The following KCNIP1 variants were observed in gnomAD, a reference collection of about 807,000 sequenced individuals.
KCNIP1 encodes the protein A-type potassium channel modulatory protein KCNIP1.
In KCNIP1, 18 loss-of-function variants were observed where a neutral mutation model predicts 33.0. The observed-to-expected ratio is 0.55, with a 90% CI of 0.38 to 0.81. KCNIP1 has a LOEUF of 0.81. KCNIP1 is among the 30% of genes least tolerant of loss of function. The probability of loss-of-function intolerance (pLI) is 0.00; values close to 1 mark genes in which losing one functional copy is unlikely to be tolerated. For missense variants in KCNIP1, 238 were observed against 271.6 expected, an observed-to-expected ratio of 0.88 and a Z score of 0.87; for synonymous variants, 93 against 98.3, an observed-to-expected ratio of 0.95 and a Z score of 0.32.
intron 1 of KCNIP1, among the ~76,000 whole-genome samples, chr5:170,363,233 G>T (rs1054181065): frequency 2.0e-5 from 3 of 152,200 alleles, no homozygotes; most frequent in Non-Finnish European, 4.4e-5. Context: ...AAACACTAAT[G>T]TTCCTTTGAA....
chr5:170,551,551 T>C (rs1756634653), intron 1 of KCNIP1, among the ~76,000 whole-genome samples: 1 of 152,234 alleles, frequency 6.6e-6, no homozygotes, highest in African/African-American at 2.4e-5. Flanking sequence ...GGAATCCAGA[T>C]GAGTCTGAAA....
At chr5:170,355,088 G>A (rs1328602361) in intron 1 of KCNIP1, among the ~76,000 whole-genome samples, 2 of 152,222 alleles carry the variant, frequency 1.3e-5, no homozygotes, top group African/African-American at 4.8e-5. Flanking sequence ...TGTGGCATGT[G>A]TGGGTGGTGG....
intron 1 of KCNIP1, among the ~76,000 whole-genome samples, chr5:170,640,855 A>G (rs1368450607): frequency 6.6e-6 from 1 of 152,158 alleles, no homozygotes; most frequent in Non-Finnish European, 1.5e-5. Flanking sequence ...GGCATGGGAT[A>G]AACAGAATCG....
chr5:170,442,351 C>T (rs1756013785), intron 1 of KCNIP1, among the ~76,000 whole-genome samples: 1 of 152,198 alleles, frequency 6.6e-6, no homozygotes, highest in Non-Finnish European at 1.5e-5. Context: ...GGAATCTGGT[C>T]TTGTACCTAG....
At chr5:170,566,312 T>C (rs1035983244) in intron 1 of KCNIP1, among the ~76,000 whole-genome samples, 2 of 152,116 alleles carry the variant, frequency 1.3e-5, no homozygotes, top group African/African-American at 4.8e-5. Context: ...AGGCTGGTCT[T>C]GAGCTCCTGA....
In KCNIP1 at chr5:170,444,129, G is replaced by A. The variant is rs111731398; in HGVS notation, c.88+90165G>A. Among the ~76,000 whole-genome samples the A allele has an allele frequency of 3.0e-3, 454 of 152,290 alleles. 1 individual carries two copies. Among genetic ancestry groups the A allele is most frequent in the Non-Finnish European group, 3.9e-3 (266 of 68,018 alleles). ...ACTGGAACAAATGACCAGAAACTTC[G>A]TGGCTTCAAACAACACACCTTTATT... On this transcript the variant is annotated intron_variant, in intron 1 of 7. Transcript: ENST00000377360.
chr5:170,448,944 G>A (rs776586284), intron 1 of KCNIP1, among the ~76,000 whole-genome samples: 5 of 152,308 alleles, frequency 3.3e-5, no homozygotes, highest in Middle Eastern at 3.4e-3. Flanking sequence ...TAAGGGACCC[G>A]TCTAGGGCTA....
chr5:170,390,517 A>AAAAAAATATATATAT, intron 1 of KCNIP1, among the ~76,000 whole-genome samples: 2 of 74,550 alleles, frequency 2.7e-5, no homozygotes, highest in African/African-American at 1.3e-4. Context: ...AAAAAAAACA[A>AAAAAAATATATATAT]ATATATATAT....
chr5:170,357,714 G>T (rs1763385684), intron 1 of KCNIP1, among the ~76,000 whole-genome samples: 2 of 152,128 alleles, frequency 1.3e-5, no homozygotes, highest in African/African-American at 4.8e-5. Context: ...TGTTTATAGA[G>T]ACAGGGTCTC....
In KCNIP1 at chr5:170,504,294, C is replaced by T; in HGVS notation, c.-279C>T. 3 of 1,332,526 alleles carry T rather than the reference C, an allele frequency of 2.3e-6. No homozygotes were observed. Among genetic ancestry groups the T allele is most frequent in the Non-Finnish European group, 2.9e-6 (3 of 1,044,152 alleles). 82.5% of individuals were successfully genotyped at this position (1,332,526 alleles called of 1,614,324 possible). A position where few individuals can be genotyped will look rare whatever the true frequency, so the allele number is the denominator to read the frequency against. ...AGGCTTCAGGGCACCGTCCTCGGCC[C>T]TGGGCGAGGGAACCGCCGGGCCGGG... On this transcript the variant is annotated 5_prime_UTR_variant, in exon 1 of 8. Transcript: ENST00000328939. This position sits in a 1 kb window ranked among gnomAD's most constrained non-coding sequence, Gnocchi z 6.0.
intron 1 of KCNIP1, among the ~76,000 whole-genome samples, chr5:170,498,109 T>A (rs1295309595): frequency 1.3e-5 from 2 of 152,170 alleles, no homozygotes; most frequent in Non-Finnish European, 2.9e-5. Context: ...TTCAAAGGTC[T>A]TTTCTTCCTC....
chr5:170,682,686 C>A (rs574090004), intron 1 of KCNIP1, among the ~76,000 whole-genome samples: 6 of 151,900 alleles, frequency 3.9e-5, no homozygotes, highest in Admixed American at 3.9e-4. Flanking sequence ...TGTTCTCCAC[C>A]AGATTTCAAG....
intron 1 of KCNIP1, among the ~76,000 whole-genome samples, chr5:170,388,449 A>G (rs2113354228): frequency 6.6e-6 from 1 of 152,354 alleles, no homozygotes; most frequent in South Asian, 2.1e-4. Flanking sequence ...GATTTCAGTT[A>G]GACTGTAAGA....
intron 1 of KCNIP1, among the ~76,000 whole-genome samples, chr5:170,597,804 T>TGAAA (rs1188125695): frequency 4.4e-4 from 1 of 2,288 alleles, no homozygotes; most frequent in East Asian, 0.036. Context: ...TATATATATA[T>TGAAA]ATATATATAT....
At chr5:170,579,547 A>G (rs1243897581) in intron 1 of KCNIP1, among the ~76,000 whole-genome samples, 1 of 152,112 alleles carries the variant, frequency 6.6e-6, no homozygotes, top group Non-Finnish European at 1.5e-5. Context: ...CATCATGTGC[A>G]TTGCTTCACT....
At chr5:170,557,757 G>T (rs1446406611) in intron 1 of KCNIP1, among the ~76,000 whole-genome samples, 2 of 152,130 alleles carry the variant, frequency 1.3e-5, no homozygotes, top group Non-Finnish European at 2.9e-5. Flanking sequence ...GGAGTGGAGG[G>T]ACAGGGAGAA....
At chr5:170,524,732 T>C (rs1310343159) in intron 1 of KCNIP1, among the ~76,000 whole-genome samples, 1 of 152,140 alleles carries the variant, frequency 6.6e-6, no homozygotes, top group Admixed American at 6.5e-5. Context: ...GCCTTCATTT[T>C]ACAGAGGGAG....
intron 1 of KCNIP1, among the ~76,000 whole-genome samples, chr5:170,510,383 G>A (rs1754886889): frequency 6.6e-6 from 1 of 152,310 alleles, no homozygotes; most frequent in South Asian, 2.1e-4. Context: ...AGGATGGATG[G>A]GCCAGAGTGT....
intron 1 of KCNIP1, among the ~76,000 whole-genome samples, chr5:170,397,804 G>C (rs1431526880): frequency 6.6e-6 from 1 of 152,180 alleles, no homozygotes; most frequent in Non-Finnish European, 1.5e-5. Flanking sequence ...GGCACATCTT[G>C]GTTTTATACA....
Sources: allele counts gnomAD v4.1 joint callset (sites outside exome capture counted in the v4.1 genomes callset), GRCh38; gene constraint gnomAD v4.1.1; non-coding constraint Gnocchi (gnomAD v3.1); transcripts MANE v1.5; gene names NCBI Gene and HGNC (gene_info 2026-07-23, HGNC 2026-07-21).